CCDC91: variants seen among roughly 807,000 people sequenced by gnomAD.
CCDC91 encodes coiled-coil domain containing 91.
CCDC91 carries 48 observed loss-of-function variants against 63.2 expected under a neutral mutation model. That is an observed-to-expected ratio of 0.76 (90% CI 0.60 to 0.97). The LOEUF is 0.97. Among genes scored for constraint, CCDC91 ranks in the 50% least tolerant of loss-of-function variants. The probability of loss-of-function intolerance (pLI) is 0.00; values close to 1 mark genes in which losing one functional copy is unlikely to be tolerated. For synonymous variants in CCDC91, 167 were observed against 165.8 expected (o/e 1.01, Z -0.06); for missense variants, 500 against 494.6 (o/e 1.01, Z -0.10).
chr12:28,270,688 C>T (rs1236041601), intron 3 of CCDC91, among the ~76,000 whole-genome samples: 1 of 152,122 alleles, frequency 6.6e-6, no homozygotes, highest in Non-Finnish European at 1.5e-5. Flanking sequence ...GTAATTTCAA[C>T]CCTTGGTCTT....
At chr12:28,434,315 A>G (rs1485277300) in intron 8 of CCDC91, among the ~76,000 whole-genome samples, 2 of 151,674 alleles carry the variant, frequency 1.3e-5, no homozygotes, top group Non-Finnish European at 3.0e-5. Flanking sequence ...TTTTAAAAAA[A>G]TCATGAATAC....
intron 10 of CCDC91, among the ~76,000 whole-genome samples, chr12:28,451,672 T>C (rs1949808701): frequency 1.3e-5 from 2 of 151,702 alleles, no homozygotes; most frequent in African/African-American, 4.8e-5. Context: ...TTAAAAATTA[T>C]GCATCGATAA....
At chr12:28,299,649 G>C (rs11049516) in intron 3 of CCDC91, among the ~76,000 whole-genome samples, 30,624 of 151,282 alleles carry the variant, frequency 0.2, 3,998 homozygotes, top group Non-Finnish European at 0.3. Context: ...ATTATCTTTC[G>C]ACCTCATTCC....
At chr12:28,422,951 GTGTT>G (rs1565948747) in intron 8 of CCDC91, among the ~76,000 whole-genome samples, 1 of 150,690 alleles carries the variant, frequency 6.6e-6, no homozygotes, top group Non-Finnish European at 1.5e-5. Flanking sequence ...GTTGTTGTTG[GTGTT>G]TGTTGTTGTT....
intron 11 of CCDC91, among the ~76,000 whole-genome samples, chr12:28,459,017 C>A (rs1276291194): frequency 3.3e-5 from 5 of 152,076 alleles, no homozygotes; most frequent in African/African-American, 9.7e-5. Flanking sequence ...TTGACCTGGT[C>A]TTTACCTGTC....
At chr12:28,392,266 A>G (rs1945993144) in intron 8 of CCDC91, among the ~76,000 whole-genome samples, 1 of 152,206 alleles carries the variant, frequency 6.6e-6, no homozygotes, top group Non-Finnish European at 1.5e-5. Flanking sequence ...ATGAATGGAT[A>G]GAAACAGCAT....
chr12:28,416,080 A>G (rs1413940978), intron 8 of CCDC91, among the ~76,000 whole-genome samples: 1 of 152,046 alleles, frequency 6.6e-6, no homozygotes, highest in Admixed American at 6.6e-5. Context: ...GCACCTAGAC[A>G]GCACTCCTCA....
intron 3 of CCDC91, among the ~76,000 whole-genome samples, chr12:28,281,207 T>C (rs1235881359): frequency 3.3e-5 from 5 of 152,168 alleles, no homozygotes; most frequent in Non-Finnish European, 7.3e-5. Flanking sequence ...TCAGTATCAT[T>C]GTTGTATGGA....
intron 11 of CCDC91, among the ~76,000 whole-genome samples, chr12:28,461,964 A>T (rs1950329604): frequency 6.6e-6 from 1 of 152,030 alleles, no homozygotes; most frequent in Non-Finnish European, 1.5e-5. Flanking sequence ...AGGTAAACAG[A>T]TGGTTACTGA....
rs1416725785 is a variant in CCDC91 at position 28,434,300 on chromosome 12, A to AT, written c.763-15853dup. Among the ~76,000 whole-genome samples, 25 of 151,436 alleles carry AT rather than the reference A, an allele frequency of 1.7e-4. 1 individual carries two copies. The highest frequency in any genetic ancestry group is 6.0e-4 in the African/African-American group (25 of 41,418). ...ATTTCTCTTGTTTTATAGTTCGATA[A>AT]TTTTTTTTAAAAAAATCATGAATAC... On this transcript the variant is annotated intron_variant, in intron 8 of 12. Transcript: ENST00000536442.
chr12:28,270,046 G>A (rs1345985887), intron 3 of CCDC91, among the ~76,000 whole-genome samples: 1 of 151,734 alleles, frequency 6.6e-6, no homozygotes, highest in Non-Finnish European at 1.5e-5. Context: ...TAATAAAAAT[G>A]TTTAATAATG....
At chr12:28,214,489 G>A (rs1002197817) in intron 1 of CCDC91, among the ~76,000 whole-genome samples, 5 of 152,034 alleles carry the variant, frequency 3.3e-5, no homozygotes, top group Non-Finnish European at 7.4e-5. Flanking sequence ...ATACAAAATA[G>A]GCAGTGGAAG....
chr12:28,224,586 A>C (rs954153015), intron 1 of CCDC91, among the ~76,000 whole-genome samples: 2 of 152,146 alleles, frequency 1.3e-5, no homozygotes, highest in Non-Finnish European at 2.9e-5. Flanking sequence ...ATTGAATCTC[A>C]AAGTGGTTAA....
intron 11 of CCDC91, among the ~76,000 whole-genome samples, chr12:28,473,974 T>TTG (rs142414549): frequency 0.052 from 7,756 of 149,650 alleles, 521 homozygotes; most frequent in African/African-American, 0.16. Context: ...GCATGTGTGT[T>TTG]TGTGTGTGTG....
intron 3 of CCDC91, among the ~76,000 whole-genome samples, chr12:28,297,657 CTG>C (rs1949637474): frequency 6.6e-6 from 1 of 151,730 alleles, no homozygotes; most frequent in African/African-American, 2.4e-5. Context: ...AAAATTTTGG[CTG>C]TGTTTTTGTG....
intron 6 of CCDC91, among the ~76,000 whole-genome samples, chr12:28,311,124 A>G (rs1163123292): frequency 1.3e-5 from 2 of 152,092 alleles, no homozygotes; most frequent in Admixed American, 6.6e-5. Context: ...TAAAATGACA[A>G]GTTTTCCACT....
At chr12:28,293,728 A>AT (rs776385554) in intron 3 of CCDC91, among the ~76,000 whole-genome samples, 211 of 145,494 alleles carry the variant, frequency 1.5e-3, no homozygotes, top group East Asian at 2.0e-3. Context: ...CCTTGTCTGT[A>AT]TTTTTTTTTT....
chr12:28,208,604 G>A (rs1428723898), intron 1 of CCDC91, among the ~76,000 whole-genome samples: 1 of 152,044 alleles, frequency 6.6e-6, no homozygotes, highest in Non-Finnish European at 1.5e-5. Context: ...TATTTTAAAG[G>A]TTTAAAATAC....
chr12:28,202,555 C>T (rs1398626234), intron 1 of CCDC91, among the ~76,000 whole-genome samples: 1 of 152,170 alleles, frequency 6.6e-6, no homozygotes, highest in African/African-American at 2.4e-5. Context: ...ACAGTTATTT[C>T]CCTAATGCTT....
Sources: gnomAD v4.1 joint callset for allele counts (sites outside exome capture counted in the v4.1 genomes callset) on GRCh38, gnomAD v4.1.1 for gene constraint, MANE v1.5 for transcripts, NCBI Gene and HGNC (gene_info 2026-07-23, HGNC 2026-07-21) for gene names.